The following C10orf88 variants were observed in gnomAD, a reference collection of about 807,000 sequenced individuals.
The protein encoded by C10orf88 is ATPase PAAT.
In C10orf88, 29 loss-of-function variants were observed where a neutral mutation model predicts 34.2. The ratio of observed to expected loss-of-function variants is 0.85; its 90% CI spans 0.63 to 1.16. The LOEUF (loss-of-function observed/expected upper bound fraction) is 1.16. Among genes scored for constraint, C10orf88 ranks in the 50% most tolerant of loss-of-function variants. C10orf88 has a pLI of 0.00. For synonymous variants in C10orf88, 194 were observed against 197.4 expected (o/e 0.98, Z 0.15); for missense variants, 507 against 533.2 (o/e 0.95, Z 0.48).
At chr10:122,948,500 C>T (rs1483865142) in intron 4 of C10orf88, 149 bp downstream of exon 4, 2 of 713,402 alleles carry the variant, frequency 2.8e-6, no homozygotes, top group African/African-American at 1.8e-5. Flanking sequence ...TGTAGAAGGG[C>T]AAATCTAACA....
At position 122,932,462 on chromosome 10, in the gene C10orf88, CATA is replaced by C; in HGVS notation, c.1300_1302del (p.Tyr434del). 6.2e-7 allele frequency: 1 copy of C among 1,613,780 alleles called. No homozygotes were observed. Among genetic ancestry groups the C allele is most frequent in the Non-Finnish European group, 8.5e-7 (1 of 1,179,800 alleles). ...CCATTTGAAAGTCTTTCTCCAGAGT[CATA>C]ATGTCTTAGAGGTATCCCAGTGGGC... On this transcript the variant is annotated inframe_deletion, in exon 6 of 6. Coordinates refer to ENST00000481909, the MANE Select transcript of C10orf88 (RefSeq NM_024942.4).
chr10:122,933,164 A>C (rs532751278), intron 5 of C10orf88, among the ~76,000 whole-genome samples: 32 of 152,294 alleles, frequency 2.1e-4, no homozygotes, highest in African/African-American at 7.2e-4. Context: ...ACCAATTTCT[A>C]ACGTTCACAA....
At chr10:122,942,269 A>C (rs1379447655) in intron 4 of C10orf88, among the ~76,000 whole-genome samples, 3 of 152,148 alleles carry the variant, frequency 2.0e-5, no homozygotes, top group Non-Finnish European at 4.4e-5. Flanking sequence ...CCAAAGACAA[A>C]AACCACATGA....
At chr10:122,935,054 G>A (rs945958384) in intron 5 of C10orf88, among the ~76,000 whole-genome samples, 8 of 151,952 alleles carry the variant, frequency 5.3e-5, no homozygotes, top group African/African-American at 4.8e-5. Flanking sequence ...AGTTCTTTAT[G>A]TACTTCAGAG....
intron 1 of C10orf88, among the ~76,000 whole-genome samples, 194 bp from the exon 2 acceptor site, chr10:122,953,226 C>T (rs1848709619): frequency 6.6e-6 from 1 of 152,114 alleles, no homozygotes; most frequent in Admixed American, 6.5e-5. Flanking sequence ...TACAGGCACC[C>T]GCCACCGCGC....
chr10:122,943,441 T>C (rs1256710181), intron 4 of C10orf88, among the ~76,000 whole-genome samples: 1 of 149,608 alleles, frequency 6.7e-6, no homozygotes, highest in East Asian at 2.0e-4. Context: ...ACCTAGGCAT[T>C]ACCATTCAGG....
intron 2 of C10orf88, 21 bp from the exon 3 acceptor site, chr10:122,952,047 AT>A (rs199979287): frequency 2.8e-5 from 35 of 1,238,348 alleles, no homozygotes; most frequent in East Asian, 5.1e-5. Context: ...AAAAGAATTA[AT>A]TTTTTTTACT....
intron 3 of C10orf88, among the ~76,000 whole-genome samples, chr10:122,949,785 A>T (rs928930456): frequency 2.0e-5 from 3 of 152,222 alleles, no homozygotes; most frequent in Non-Finnish European, 4.4e-5. Context: ...GCTACTTAAC[A>T]CAAAATAAGT....
In C10orf88 at chr10:122,938,178, T is replaced by G. The variant is rs370547065; in HGVS notation, c.649-19A>C. 1.8e-5 allele frequency: 27 copies of G among 1,540,494 alleles called. No homozygotes were observed. The highest frequency in any genetic ancestry group is 2.2e-5 in the Non-Finnish European group (25 of 1,141,170). On this transcript the variant is annotated intron_variant, in intron 4 of 5. Transcript: ENST00000481909. The stretch of plus-strand genomic sequence containing the variant: ...TACAATTCTAAACAAGGTAAACAAG[T>G]AAATGTTAATATTAATAACACTGAC...
chr10:122,934,144 C>T (rs1848511664), intron 5 of C10orf88, among the ~76,000 whole-genome samples: 1 of 152,116 alleles, frequency 6.6e-6, no homozygotes, highest in Non-Finnish European at 1.5e-5. Flanking sequence ...ATCCAATCCT[C>T]CCAATGGTCA....
Position 122,932,475 on chromosome 10 carries a change from A to G in C10orf88, c.1290T>C (p.Pro430=). 1 of 1,614,048 alleles carries G rather than the reference A, an allele frequency of 6.2e-7. No homozygotes were observed. Among genetic ancestry groups the G allele is most frequent in the South Asian group, 1.1e-5 (1 of 91,080 alleles). ...TTTCTCCAGAGTCATAATGTCTTAG[A>G]GGTATCCCAGTGGGCGGGGAGTTAG... The part of the protein sequence containing the change: ...QNPNSPPTGI[P]LRHYDSGERL... Residue 430 remains proline, a synonymous_variant, in exon 6 of 6, where the codon CCT becomes CCC. Coordinates refer to ENST00000481909, the MANE Select transcript of C10orf88 (RefSeq NM_024942.4).
intron 3 of C10orf88, among the ~76,000 whole-genome samples, chr10:122,949,405 A>C (rs977710519): frequency 2.6e-5 from 4 of 152,196 alleles, no homozygotes; most frequent in African/African-American, 9.7e-5. Flanking sequence ...GACATGATAA[A>C]ATGCCTACAT....
At chr10:122,940,084 A>G (rs1848569320) in intron 4 of C10orf88, among the ~76,000 whole-genome samples, 1 of 152,008 alleles carries the variant, frequency 6.6e-6, no homozygotes, top group Non-Finnish European at 1.5e-5. Flanking sequence ...GGATCTCAAA[A>G]AGATTATCTG....
At chr10:122,953,108 G>C (rs1424832993) in intron 1 of C10orf88, 76 bp from the exon 2 acceptor site, 4 of 1,236,280 alleles carry the variant, frequency 3.2e-6, no homozygotes, top group Non-Finnish European at 4.6e-6. Flanking sequence ...GACGGAGTCT[G>C]GCTCTGTCGC....
intron 4 of C10orf88, among the ~76,000 whole-genome samples, chr10:122,942,353 A>C (rs1007980448): frequency 6.6e-6 from 1 of 152,226 alleles, no homozygotes; most frequent in Non-Finnish European, 1.5e-5. Flanking sequence ...TCAATAAATT[A>C]GGTATTGATA....
At chr10:122,953,263 G>C (rs1000751488) in intron 1 of C10orf88, among the ~76,000 whole-genome samples, 4 of 152,094 alleles carry the variant, frequency 2.6e-5, no homozygotes, top group Non-Finnish European at 4.4e-5. Flanking sequence ...ATTTTTCGTA[G>C]AGACGGGGTT....
intron 5 of C10orf88, among the ~76,000 whole-genome samples, chr10:122,934,987 G>A (rs914197846): frequency 3.0e-4 from 45 of 151,962 alleles, no homozygotes; most frequent in African/African-American, 1.1e-3. Flanking sequence ...TTTTGCCCAT[G>A]GTTTAAATTG....
intron 1 of C10orf88, 67 bp downstream of exon 1, chr10:122,953,946 CCT>C: frequency 7.0e-7 from 1 of 1,424,574 alleles, no homozygotes; most frequent in South Asian, 1.4e-5. Flanking sequence ...TCTCGCCTCC[CCT>C]CACAGCTCCC....
chr10:122,937,961 G>A lies in C10orf88; in HGVS notation c.847C>T (p.Pro283Ser), dbSNP rs765471717. Residue 283 changes from proline to serine, a missense_variant, in exon 5 of 6, where the codon CCT becomes TCT. By Grantham distance (74) the Pro-to-Ser change is moderately conservative. Transcript: ENST00000481909. ...AGCTTGGTAGAATTCTCTCCACCAG[G>A]CAGTTGTGTACTTTTATCAATGTAA... ...QTYIDKSTQL[P>S]GGENSTKLDE... 3.7e-5 allele frequency: 60 copies of A among 1,613,260 alleles called. No homozygotes were observed. Among genetic ancestry groups the A allele is most frequent in the Non-Finnish European group, 4.7e-5 (56 of 1,179,554 alleles).
Sources: allele counts gnomAD v4.1 joint callset (sites outside exome capture counted in the v4.1 genomes callset), GRCh38; gene constraint gnomAD v4.1.1; transcripts MANE v1.5; gene names NCBI Gene and HGNC (gene_info 2026-07-23, HGNC 2026-07-21).